AFG1L: variants seen among roughly 807,000 people sequenced by gnomAD.
The protein encoded by AFG1L is AFG1-like ATPase.
AFG1L carries 53 observed loss-of-function variants against 62.2 expected under a neutral mutation model. The observed-to-expected ratio is 0.85, with a 90% CI of 0.68 to 1.07. The LOEUF (loss-of-function observed/expected upper bound fraction) is 1.07, where lower values mean the gene tolerates loss of function less well. AFG1L is among the 50% of genes least tolerant of loss of function. AFG1L has a pLI of 0.00. For synonymous variants in AFG1L, 228 were observed against 210.3 expected, an observed-to-expected ratio of 1.08 and a Z score of -0.73; for missense variants, 555 against 590.5, an observed-to-expected ratio of 0.94 and a Z score of 0.62.
intron 11 of AFG1L, among the ~76,000 whole-genome samples, chr6:108,518,154 T>C (rs1342877472): frequency 6.6e-6 from 1 of 152,196 alleles, no homozygotes; most frequent in Non-Finnish European, 1.5e-5. Flanking sequence ...CATTACTGGG[T>C]ATACACCCAA....
intron 7 of AFG1L, among the ~76,000 whole-genome samples, chr6:108,415,520 A>G (rs1276321527): frequency 6.6e-6 from 1 of 152,212 alleles, no homozygotes; most frequent in Non-Finnish European, 1.5e-5. Context: ...ACTTCAAACT[A>G]TACTACAAGG....
intron 2 of AFG1L, among the ~76,000 whole-genome samples, chr6:108,342,791 G>A (rs1218608267): frequency 6.6e-6 from 1 of 151,978 alleles, no homozygotes; most frequent in Admixed American, 6.5e-5. Flanking sequence ...CGTTAGGAGG[G>A]TATTCATTTT....
intron 6 of AFG1L, among the ~76,000 whole-genome samples, chr6:108,392,332 TA>T (rs1781093833): frequency 6.6e-6 from 1 of 152,214 alleles, no homozygotes; most frequent in South Asian, 2.1e-4. Flanking sequence ...ACAAAATTAT[TA>T]AAAATATTGT....
chr6:108,304,004 T>C (rs1049373461), intron 1 of AFG1L, among the ~76,000 whole-genome samples: 3 of 152,206 alleles, frequency 2.0e-5, no homozygotes, highest in Non-Finnish European at 4.4e-5. Flanking sequence ...AAATTTAAAG[T>C]ACAATTTTTT....
rs553114943 is a variant in AFG1L at position 108,506,631 on chromosome 6, C to A, written c.1063-3581C>A. Among the ~76,000 whole-genome samples, 45 of 137,670 alleles carry A rather than the reference C, an allele frequency of 3.3e-4. 1 individual carries two copies. The highest frequency in any genetic ancestry group is 1.2e-3 in the African/African-American group (45 of 36,326). 90.3% of individuals were successfully genotyped at this position (137,670 alleles called of 152,430 possible). A position where few individuals can be genotyped will look rare whatever the true frequency, so the allele number is the denominator to read the frequency against. Reference sequence around the variant, plus strand: ...CGAGTGATCCACCCACCTCAGGTTCCCAAAGTGCTGAGATTACAGGCGTGA... The same window carrying A: ...CGAGTGATCCACCCACCTCAGGTTCACAAAGTGCTGAGATTACAGGCGTGA... On this transcript the variant is annotated intron_variant, in intron 10 of 12. Coordinates refer to ENST00000368977, the MANE Select transcript of AFG1L (RefSeq NM_145315.5).
chr6:108,434,066 A>G (rs1188083900), intron 7 of AFG1L, among the ~76,000 whole-genome samples: 3 of 152,240 alleles, frequency 2.0e-5, no homozygotes, highest in Non-Finnish European at 4.4e-5. Flanking sequence ...CTTTATGCTG[A>G]ATGGGTTGTC....
chr6:108,497,128 A>G (rs1007269925), intron 10 of AFG1L, among the ~76,000 whole-genome samples: 1 of 152,170 alleles, frequency 6.6e-6, no homozygotes, highest in Non-Finnish European at 1.5e-5. Flanking sequence ...GTGTAAGTTT[A>G]TAACTTTTTT....
intron 1 of AFG1L, among the ~76,000 whole-genome samples, chr6:108,316,123 T>C (rs1168143814): frequency 6.6e-6 from 1 of 151,970 alleles, no homozygotes; most frequent in Non-Finnish European, 1.5e-5. Context: ...GGCTGACGCC[T>C]GTAATCCCAG....
At chr6:108,327,673 C>G (rs138676270) in intron 2 of AFG1L, among the ~76,000 whole-genome samples, 2 of 152,324 alleles carry the variant, frequency 1.3e-5, no homozygotes, top group Admixed American at 1.3e-4. Flanking sequence ...GTTAGAACTT[C>G]AACATATGAA....
chr6:108,400,736 AT>A (rs1343044643), intron 6 of AFG1L, among the ~76,000 whole-genome samples: 17 of 124,914 alleles, frequency 1.4e-4, no homozygotes, highest in African/African-American at 4.6e-4. Flanking sequence ...TATATAATAT[AT>A]ATTATATATG....
intron 6 of AFG1L, among the ~76,000 whole-genome samples, chr6:108,392,490 C>A (rs1189985876): frequency 1.3e-5 from 2 of 152,014 alleles, no homozygotes; most frequent in Admixed American, 1.3e-4. Context: ...AATCTTGGTT[C>A]CTCTTTTTAT....
intron 8 of AFG1L, among the ~76,000 whole-genome samples, chr6:108,458,796 T>C (rs1772347082): frequency 6.6e-6 from 1 of 152,198 alleles, no homozygotes; most frequent in Non-Finnish European, 1.5e-5. Context: ...TTTTCCTGCC[T>C]TTCATGCTTT....
At chr6:108,332,084 C>T (rs1397401898) in intron 2 of AFG1L, among the ~76,000 whole-genome samples, 5 of 152,220 alleles carry the variant, frequency 3.3e-5, no homozygotes, top group Non-Finnish European at 4.4e-5. Context: ...TACCATTGCA[C>T]TCAGAGCAGC....
chr6:108,338,193 CA>C (rs1245869226), intron 2 of AFG1L, among the ~76,000 whole-genome samples: 1 of 152,092 alleles, frequency 6.6e-6, no homozygotes, highest in African/African-American at 2.4e-5. Context: ...CTCAAAAAAA[CA>C]AAAGAATCAT....
At chr6:108,317,670 A>G (rs1777657138) in intron 1 of AFG1L, among the ~76,000 whole-genome samples, 1 of 152,138 alleles carries the variant, frequency 6.6e-6, no homozygotes, top group African/African-American at 2.4e-5. Flanking sequence ...GTAGGCTTTC[A>G]TTAGTCTTAC....
chr6:108,380,838 A>C (rs1180419849), intron 6 of AFG1L, among the ~76,000 whole-genome samples: 1 of 152,146 alleles, frequency 6.6e-6, no homozygotes, highest in African/African-American at 2.4e-5. Context: ...TTGGATCCCC[A>C]GTGGAAAGGT....
intron 3 of AFG1L, among the ~76,000 whole-genome samples, chr6:108,353,856 TA>T (rs1179733875): frequency 6.6e-6 from 1 of 152,196 alleles, no homozygotes; most frequent in Admixed American, 6.5e-5. Flanking sequence ...ACTTCTTTAT[TA>T]AAAAAATGTT....
intron 7 of AFG1L, among the ~76,000 whole-genome samples, chr6:108,418,726 C>A (rs1471825492): frequency 6.6e-6 from 1 of 152,066 alleles, no homozygotes; most frequent in Non-Finnish European, 1.5e-5. Flanking sequence ...TTAGAAATAT[C>A]TTCAATTTCA....
At chr6:108,468,945 A>G (rs2114796094) in intron 8 of AFG1L, among the ~76,000 whole-genome samples, 1 of 152,076 alleles carries the variant, frequency 6.6e-6, no homozygotes, top group East Asian at 1.9e-4. Context: ...CTCCAAGCAT[A>G]TTATAGTGTG....
Sources: gnomAD v4.1 joint callset for allele counts (sites outside exome capture counted in the v4.1 genomes callset) on GRCh38, gnomAD v4.1.1 for gene constraint, MANE v1.5 for transcripts, NCBI Gene and HGNC (gene_info 2026-07-23, HGNC 2026-07-21) for gene names.